The following KIF1A variants were observed in gnomAD, a reference collection of about 807,000 sequenced individuals.
KIF1A encodes the protein kinesin-like protein KIF1A.
KIF1A carries 46 observed loss-of-function variants against 227.3 expected under a neutral mutation model. That is an observed-to-expected ratio of 0.20 (90% CI 0.16 to 0.26). The LOEUF is 0.26. KIF1A is among the 10% of genes least tolerant of loss of function. KIF1A has a pLI of 1.00. For missense variants in KIF1A, 1,683 were observed against 2,485.9 expected (o/e 0.68, Z 6.87); for synonymous variants, 1,022 against 1,012.8 (o/e 1.01, Z -0.17).
chr2:240,730,663 G>C (rs995918649), intron 38 of KIF1A, among the ~76,000 whole-genome samples: 3 of 152,214 alleles, frequency 2.0e-5, no homozygotes, highest in Non-Finnish European at 4.4e-5. Context: ...GACTTGATCC[G>C]ATGTGAACAC....
Position 240,783,450 on chromosome 2 carries a change from T to C in KIF1A, c.798+289A>G, listed in dbSNP as rs528308671. Among the ~76,000 whole-genome samples, 38 of 152,298 alleles carry C rather than the reference T, an allele frequency of 2.5e-4. 2 individuals are homozygous for C. In the East Asian group the frequency reaches 7.2e-3, roughly 29 times the overall value. ...CCCGACCCCGGCACTGCTTCCCGGG[T>C]GGTGCCCCAATCTCCCCAGGGAAGA... is the stretch of plus-strand genomic sequence containing the variant. On this transcript the variant is annotated intron_variant, in intron 8 of 48. Coordinates refer to ENST00000498729, the MANE Select transcript of KIF1A (RefSeq NM_001244008.2).
chr2:240,811,364 CA>C (rs145295095), intron 1 of KIF1A, among the ~76,000 whole-genome samples: 2 of 151,236 alleles, frequency 1.3e-5, no homozygotes, highest in East Asian at 3.9e-4. Flanking sequence ...GACTCCATCT[CA>C]AAAAAAAGAA....
Position 240,758,115 on chromosome 2 carries a change from T to C in KIF1A, c.2582+245A>G, listed in dbSNP as rs922283437. 1.3e-4 allele frequency among the ~76,000 whole-genome samples: 20 copies of C among 152,190 alleles called. No homozygotes were observed. The highest frequency in any genetic ancestry group is 4.8e-4 in the African/African-American group (20 of 41,448). On this transcript the variant is annotated intron_variant, in intron 26 of 48. Transcript: ENST00000498729. The surrounding 1 kb of genome is among the most constrained non-coding windows in gnomAD (Gnocchi z 5.2). ...CCATGGGTTCTGGCGGCTACAGCCCTGCAGTGGGTTTGGGTGGCAGTGCCA... is the reference window on the plus strand; with the variant it reads ...CCATGGGTTCTGGCGGCTACAGCCCCGCAGTGGGTTTGGGTGGCAGTGCCA...
Position 240,763,354 on chromosome 2 carries a change from A to G in KIF1A, c.1769-8T>C, listed in dbSNP as rs886055836. The G allele has an allele frequency of 2.6e-6, 4 of 1,563,576 alleles. No homozygotes were observed. The highest frequency in any genetic ancestry group is 1.7e-6 in the Non-Finnish European group (2 of 1,155,070). On this transcript the variant is annotated splice_region_variant and splice_polypyrimidine_tract_variant and intron_variant, in intron 20 of 48. Transcript: ENST00000498729. ...CCATGATGATGCGGTTTCCTGGGGA[A>G]CAGAGGGACAGGTGGCCTTGAGGGA...
chr2:240,772,640 CAGA>C (rs1165928844), intron 13 of KIF1A, 44 bp from the exon 14 acceptor site: 3 of 1,482,514 alleles, frequency 2.0e-6, no homozygotes, highest in Admixed American at 2.0e-5. Flanking sequence ...GACAGAGAAA[CAGA>C]AGAACAGGTT....
At chr2:240,804,180 T>C (rs972663339) in intron 1 of KIF1A, among the ~76,000 whole-genome samples, 1 of 152,134 alleles carries the variant, frequency 6.6e-6, no homozygotes. Context: ...ACAGGAGAAT[T>C]GCTTGAACCT....
rs2044591617 is a variant in KIF1A at position 240,716,283 on chromosome 2, G to A, written c.*1081C>T. ...AAGTCTTTGCAAGAAACCTGCTAATGGCAGCATTTCTTCCCAGAAGCTACC... is the reference window on the plus strand; with the variant it reads ...AAGTCTTTGCAAGAAACCTGCTAATAGCAGCATTTCTTCCCAGAAGCTACC... On this transcript the variant is annotated 3_prime_UTR_variant, in exon 49 of 49. Transcript: ENST00000498729. 1 of 152,208 alleles carries A rather than the reference G, an allele frequency of 6.6e-6. No homozygotes were observed. Among genetic ancestry groups the A allele is most frequent in the African/African-American group, 2.4e-5 (1 of 41,386 alleles). 9.4% of individuals were successfully genotyped at this position (152,208 alleles called of 1,614,324 possible). A position where few individuals can be genotyped will look rare whatever the true frequency, so the allele number is the denominator to read the frequency against.
chr2:240,745,685 T>C (rs1218100718), intron 31 of KIF1A, 53 bp downstream of exon 31: 11 of 1,581,630 alleles, frequency 7.0e-6, no homozygotes, highest in South Asian at 1.1e-5. Context: ...CACGGGAGCC[T>C]TGGGCACAGA....
rs78169894 is a variant in KIF1A at position 240,782,518 on chromosome 2, A to G, written c.882+72T>C. On this transcript the variant is annotated intron_variant, in intron 10 of 48. Coordinates refer to ENST00000498729, the MANE Select transcript of KIF1A (RefSeq NM_001244008.2). ...CACTGCCCGCCCCGCCCCTCACCAC[A>G]GGGCGCCAATGCAGGGCAGACACCG... 9.0e-3 allele frequency: 13,180 copies of G among 1,472,164 alleles called. 956 individuals carry two copies. The African/African-American group carries it at 0.16, about 18-fold the overall frequency. The allele number at this position is 1,472,164 out of a possible 1,614,324, so 91.2% of individuals were successfully genotyped here. A position where few individuals can be genotyped will look rare whatever the true frequency, so the allele number is the denominator to read the frequency against.
rs2047780090 is a variant in KIF1A at position 240,740,129 on chromosome 2, C to T, written c.3830G>A (p.Arg1277Gln). The T allele has an allele frequency of 2.5e-6, 4 of 1,589,962 alleles. No individual in the cohort carries two copies. Among genetic ancestry groups the T allele is most frequent in the Non-Finnish European group, 3.4e-6 (4 of 1,168,668 alleles). ...CTCATGCAGTAGTGTCACCGTAATCCGTCGCTGGATGCCCTGCCGGTGCCA... is the reference window on the plus strand; with the variant it reads ...CTCATGCAGTAGTGTCACCGTAATCTGTCGCTGGATGCCCTGCCGGTGCCA... ...TFLLHQGIQR[R>Q]ITVTLLHETG... is the part of the protein sequence containing the mutation. Residue 1277 changes from arginine to glutamine, a missense_variant, in exon 37 of 49, where the codon CGG becomes CAG. Physicochemically the swap from Arg to Gln is conservative, Grantham distance 43 (BLOSUM62 1). Transcript: ENST00000498729. This position sits in a 1 kb window ranked among gnomAD's most constrained non-coding sequence, Gnocchi z 6.1.
chr2:240,771,395 C>T, intron 14 of KIF1A: 1 of 468,480 alleles, frequency 2.1e-6, no homozygotes, highest in Non-Finnish European at 3.9e-6. Context: ...CGCGCACTTG[C>T]CCGCCTGCCC....
At position 240,772,591 on chromosome 2, in the gene KIF1A, T is replaced by G. The variant is rs1417769968; in HGVS notation, c.1186A>C (p.Thr396Pro). Residue 396 changes from threonine (T) to proline (P), a missense_variant, in exon 14 of 49, where the codon ACT (threonine) becomes CCT (proline). Physicochemically the swap from Thr to Pro is conservative, Grantham distance 38. Around this residue, in one of 12 missense-constraint regions of KIF1A, gnomAD observed 110 missense variants for 133.1 expected, o/e 0.83. Coordinates refer to ENST00000498729, the MANE Select transcript of KIF1A (RefSeq NM_001244008.2). ...ACACATTTGGGTCCTCCAGGCACAG[T>G]GTTGGCTATGGGGGAGGGAAGCGTG... Reference protein sequence around the residue: ...QGLGDITDTNTVPGGPKLTNA... With the variant: ...QGLGDITDTNPVPGGPKLTNA... 2 of 1,546,242 alleles carry G rather than the reference T, an allele frequency of 1.3e-6. No homozygotes were observed. The highest frequency in any genetic ancestry group is 1.4e-5 in the African/African-American group (1 of 72,682).
At chr2:240,800,003 A>T (rs1213386745) in intron 1 of KIF1A, among the ~76,000 whole-genome samples, 1 of 152,122 alleles carries the variant, frequency 6.6e-6, no homozygotes, top group African/African-American at 2.4e-5. Context: ...ATGAGAACAA[A>T]GAGAGGAAAC....
At chr2:240,777,001 G>T (rs1304159593) in intron 10 of KIF1A, among the ~76,000 whole-genome samples, 2 of 152,194 alleles carry the variant, frequency 1.3e-5, no homozygotes, top group Admixed American at 1.3e-4. Context: ...TGGAAACTTA[G>T]TAGGGACTAA....
Position 240,792,227 on chromosome 2 carries a change from TCA to T in KIF1A, c.107-2917_107-2916del, listed in dbSNP as rs763133391. Among the ~76,000 whole-genome samples, 2 of 152,304 alleles carry T rather than the reference TCA, an allele frequency of 1.3e-5. No individual in the cohort carries two copies. The highest frequency in any genetic ancestry group is 2.9e-5 in the Non-Finnish European group (2 of 68,024). ...AGCCCCTCCTTCAGCAGCCTGCTTC[TCA>T]CAGAGACCTCCCCGATTCTGCTGGA... is the stretch of plus-strand genomic sequence containing the variant. On this transcript the variant is annotated intron_variant, in intron 2 of 48. Coordinates refer to ENST00000498729, the MANE Select transcript of KIF1A (RefSeq NM_001244008.2). The surrounding 1 kb of genome is among the most constrained non-coding windows in gnomAD (Gnocchi z 4.5).
chr2:240,775,969 A>T lies in KIF1A; in HGVS notation c.883-43T>A. The T allele has an allele frequency of 7.2e-7, 1 of 1,390,792 alleles. No homozygotes were observed. The highest frequency in any genetic ancestry group is 1.0e-6 in the Non-Finnish European group (1 of 977,782). The allele number at this position is 1,390,792 out of a possible 1,614,324, so 86.2% of individuals were successfully genotyped here. On this transcript the variant is annotated intron_variant, in intron 10 of 48. Transcript: ENST00000498729. This position sits in a 1 kb window ranked among gnomAD's most constrained non-coding sequence, Gnocchi z 5.5. ...TCAAGGTCAAGCCCGAGCCCACTGC[A>T]GAGGAAGCGAAAGGGAGGGGCCAGC...
At chr2:240,765,866 G>GC (rs2051106048) in intron 19 of KIF1A, 73 bp from the exon 20 acceptor site, 1 of 1,116,920 alleles carries the variant, frequency 9.0e-7, no homozygotes, top group African/African-American at 1.5e-5. Flanking sequence ...GGCTTACCTG[G>GC]CCCCCGGGCA....
At position 240,752,583 on chromosome 2, in the gene KIF1A, C is replaced by T. The variant is rs535835479; in HGVS notation, c.2859-2036G>A. Reference sequence around the variant, plus strand: ...TGGGGAGAGCCAGAACTTGGGCCGCCAGACAGCACGGCTCTTCCCCGTGGC... The same window carrying T: ...TGGGGAGAGCCAGAACTTGGGCCGCTAGACAGCACGGCTCTTCCCCGTGGC... On this transcript the variant is annotated intron_variant, in intron 27 of 48. Transcript: ENST00000498729. This position sits in a 1 kb window ranked among gnomAD's most constrained non-coding sequence, Gnocchi z 6.4. Among the ~76,000 whole-genome samples the T allele has an allele frequency of 3.3e-5, 5 of 152,108 alleles. No individual in the cohort carries two copies. Among genetic ancestry groups the T allele is most frequent in the Non-Finnish European group, 7.4e-5 (5 of 68,012 alleles).
Position 240,760,659 on chromosome 2 carries a change from C to T in KIF1A, c.2444+6G>A. 2 of 1,483,692 alleles carry T rather than the reference C, an allele frequency of 1.3e-6. No individual in the cohort carries two copies. Among genetic ancestry groups the T allele is most frequent in the Non-Finnish European group, 1.8e-6 (2 of 1,115,854 alleles). The allele number at this position is 1,483,692 out of a possible 1,614,324, so 91.9% of individuals were successfully genotyped here. A position where few individuals can be genotyped will look rare whatever the true frequency, so the allele number is the denominator to read the frequency against. ...CACCATCCACCCAGCGGCCCTCCAG[C>T]CCCACCTGAGCTTCTCCAGCGTCCA... On this transcript the variant is annotated splice_donor_region_variant and intron_variant, in intron 25 of 48. Coordinates refer to ENST00000498729, the MANE Select transcript of KIF1A (RefSeq NM_001244008.2).
Sources: allele counts gnomAD v4.1 joint callset (sites outside exome capture counted in the v4.1 genomes callset), GRCh38; gene constraint gnomAD v4.1.1; regional missense constraint gnomAD v4.1.1; non-coding constraint Gnocchi (gnomAD v3.1); transcripts MANE v1.5; gene names NCBI Gene and HGNC (gene_info 2026-07-23, HGNC 2026-07-21).